The following CSGALNACT1 variants were observed in gnomAD, a reference collection of about 807,000 sequenced individuals.
The protein encoded by CSGALNACT1 is chondroitin sulfate N-acetylgalactosaminyltransferase 1.
A neutral mutation model predicts 51.0 loss-of-function variants in CSGALNACT1; 52 were observed. That is an observed-to-expected ratio of 1.02 (90% CI 0.82 to 1.29). The LOEUF is 1.29. Ranked by LOEUF, CSGALNACT1 falls within the 50% of genes most tolerant of loss-of-function variation. The pLI, the probability that CSGALNACT1 is intolerant of heterozygous loss-of-function variation, is 0.00. For missense variants in CSGALNACT1, 935 were observed against 679.2 expected (o/e 1.38, Z -4.19); for synonymous variants, 341 against 254.4 (o/e 1.34, Z -3.24).
chr8:19,451,461 G>A (rs2063168912), intron 5 of CSGALNACT1, among the ~76,000 whole-genome samples: 1 of 152,142 alleles, frequency 6.6e-6, no homozygotes, highest in Admixed American at 6.5e-5. Context: ...ATAATGAGAA[G>A]AAATAATAAT....
chr8:19,642,299 A>G (rs1291407069), intron 1 of CSGALNACT1, among the ~76,000 whole-genome samples: 1 of 152,228 alleles, frequency 6.6e-6, no homozygotes, highest in Non-Finnish European at 1.5e-5. Flanking sequence ...GGTTACAATG[A>G]CTAAGTTCTA....
intron 8 of CSGALNACT1, among the ~76,000 whole-genome samples, chr8:19,414,929 A>G (rs1222290883): frequency 2.0e-5 from 3 of 152,178 alleles, no homozygotes; most frequent in African/African-American, 7.2e-5. Flanking sequence ...TAACTGATCC[A>G]TCTCCAACCA....
At chr8:19,575,288 G>A (rs932464020) in intron 3 of CSGALNACT1, among the ~76,000 whole-genome samples, 3 of 152,146 alleles carry the variant, frequency 2.0e-5, no homozygotes, top group African/African-American at 7.2e-5. Flanking sequence ...TTCCTCCTGG[G>A]AAGTTAGCAA....
At chr8:19,615,928 C>G (rs2052938358) in intron 1 of CSGALNACT1, among the ~76,000 whole-genome samples, 1 of 152,172 alleles carries the variant, frequency 6.6e-6, no homozygotes, top group Non-Finnish European at 1.5e-5. Context: ...ATTTATCAAA[C>G]AGGTATTTTA....
At position 19,666,819 on chromosome 8, in the gene CSGALNACT1, G is replaced by A. The variant is rs866603159; in HGVS notation, c.-544+15654C>T. Among the ~76,000 whole-genome samples the A allele has an allele frequency of 2.0e-3, 108 of 54,344 alleles. 3 individuals are homozygous for A. Among genetic ancestry groups the A allele is most frequent in the Non-Finnish European group, 2.3e-3 (66 of 28,312 alleles). 35.7% of individuals were successfully genotyped at this position (54,344 alleles called of 152,430 possible). ...AGAAAGAAAGAAAGAAAGAGAGAGAGAGAGAGAGAGAGAGAAAGAAAGAAA... is the reference window on the plus strand; with the variant it reads ...AGAAAGAAAGAAAGAAAGAGAGAGAAAGAGAGAGAGAGAGAAAGAAAGAAA... On this transcript the variant is annotated intron_variant, in intron 1 of 9. Coordinates refer to the CSGALNACT1 transcript ENST00000332246.
chr8:19,586,406 A>AG (rs1491480125), intron 3 of CSGALNACT1, among the ~76,000 whole-genome samples: 1 of 84,326 alleles, frequency 1.2e-5, no homozygotes, highest in African/African-American at 6.0e-5. Flanking sequence ...GTAGTCTTAT[A>AG]GAAAAAAAAA....
chr8:19,597,215 T>C (rs570644941), intron 2 of CSGALNACT1, among the ~76,000 whole-genome samples: 36 of 151,936 alleles, frequency 2.4e-4, no homozygotes, highest in Non-Finnish European at 4.3e-4. Flanking sequence ...TGTATGGATA[T>C]ACATACTGCA....
intron 8 of CSGALNACT1, among the ~76,000 whole-genome samples, chr8:19,415,379 C>T (rs2056677300): frequency 6.6e-6 from 1 of 152,148 alleles, no homozygotes; most frequent in South Asian, 2.1e-4. Flanking sequence ...TGCTGTTTCA[C>T]CAAACTAAAT....
intron 5 of CSGALNACT1, among the ~76,000 whole-genome samples, chr8:19,446,572 G>A (rs566797598): frequency 1.1e-3 from 173 of 152,186 alleles, no homozygotes; most frequent in African/African-American, 3.8e-3. Context: ...CCCAGGCAAC[G>A]GTGCCATCTT....
At chr8:19,654,048 C>T (rs929045472) in intron 1 of CSGALNACT1, among the ~76,000 whole-genome samples, 9 of 152,272 alleles carry the variant, frequency 5.9e-5, no homozygotes, top group Admixed American at 1.3e-4. Context: ...GATCCTGCAA[C>T]GCCTAAGGTG....
At chr8:19,718,543 T>G (rs1422633881) in intron 1 of CSGALNACT1, among the ~76,000 whole-genome samples, 1 of 152,248 alleles carries the variant, frequency 6.6e-6, no homozygotes, top group Non-Finnish European at 1.5e-5. Flanking sequence ...CTCTTTTCTT[T>G]TTTCTTGCCA....
chr8:19,668,298 G>C (rs1356725531), intron 1 of CSGALNACT1, among the ~76,000 whole-genome samples: 1 of 151,684 alleles, frequency 6.6e-6, no homozygotes. Context: ...AGCTTCCTTA[G>C]CCACTCATAG....
intron 2 of CSGALNACT1, among the ~76,000 whole-genome samples, chr8:19,593,588 C>T (rs1355263604): frequency 6.6e-6 from 1 of 152,168 alleles, no homozygotes; most frequent in Non-Finnish European, 1.5e-5. Flanking sequence ...CATTAATGTA[C>T]AATGATTTGT....
At chr8:19,571,490 A>C (rs1028464012) in intron 3 of CSGALNACT1, among the ~76,000 whole-genome samples, 8 of 151,900 alleles carry the variant, frequency 5.3e-5, no homozygotes, top group African/African-American at 1.7e-4. Context: ...AAAAAACAGA[A>C]CCAGGGAAAG....
At chr8:19,408,667 T>C (rs777433810) in exon 9 of CSGALNACT1, 2 of 1,613,662 alleles carry the variant, frequency 1.2e-6, no homozygotes, top group African/African-American at 1.3e-5. Context: ...CCAAAGTCTC[T>C]CCAAAATCCA....
chr8:19,592,408 T>C (rs1014359450), intron 2 of CSGALNACT1, among the ~76,000 whole-genome samples: 1 of 152,222 alleles, frequency 6.6e-6, no homozygotes, highest in African/African-American at 2.4e-5. Context: ...TATATATTTA[T>C]TTATGTACGT....
chr8:19,464,056 G>A (rs2066137281), intron 4 of CSGALNACT1, among the ~76,000 whole-genome samples: 1 of 152,122 alleles, frequency 6.6e-6, no homozygotes, highest in South Asian at 2.1e-4. Flanking sequence ...CGTGCAGACG[G>A]GTTGTGACAG....
chr8:19,687,482 C>T (rs921800648), upstream of CSGALNACT1, among the ~76,000 whole-genome samples: 21 of 151,960 alleles, frequency 1.4e-4, no homozygotes, highest in African/African-American at 4.6e-4. Context: ...ATGCAAATTA[C>T]TAAAAAAAAA....
rs573141419 is a variant in CSGALNACT1 at position 19,659,790 on chromosome 8, C to T, written c.-544+22683G>A. 3.7e-4 allele frequency among the ~76,000 whole-genome samples: 56 copies of T among 152,294 alleles called. 1 individual carries two copies. The Middle Eastern group carries it at 0.017, about 46-fold the overall frequency. ...GGCATGCAGCTCAGAGCACTGTCTG[C>T]CCAGACTGTGACCAAAGCACATAAC... On this transcript the variant is annotated intron_variant, in intron 1 of 9. Coordinates refer to the CSGALNACT1 transcript ENST00000332246.
Sources: allele counts gnomAD v4.1 joint callset (sites outside exome capture counted in the v4.1 genomes callset), GRCh38; gene constraint gnomAD v4.1.1; transcripts MANE v1.5; gene names NCBI Gene and HGNC (gene_info 2026-07-23, HGNC 2026-07-21).